Variants in ZSCAN5A observed in about 807,000 individuals in gnomAD.
ZSCAN5A encodes zinc finger and SCAN domain containing 5A, also known as zinc finger and SCAN domain-containing protein 5A.
A neutral mutation model predicts 23.7 loss-of-function variants in ZSCAN5A; 12 were observed. The ratio of observed to expected loss-of-function variants is 0.51; its 90% CI spans 0.32 to 0.82. ZSCAN5A has a LOEUF of 0.82. ZSCAN5A is among the 40% of genes least tolerant of loss of function. The pLI is 0.03. For missense variants in ZSCAN5A, 597 were observed against 617.9 expected (o/e 0.97, Z 0.36); for synonymous variants, 257 against 239.9 (o/e 1.07, Z -0.66).
chr19:56,304,737 C>T, intron 2 of ZSCAN5A: 1 of 976,524 alleles, frequency 1.0e-6, no homozygotes, highest in Non-Finnish European at 1.2e-6. Context: ...AAGGAATTCA[C>T]TCGCCTCACC....
chr19:56,319,482 C>G (rs571940268), upstream of ZSCAN5A, among the ~76,000 whole-genome samples: 1 of 125,162 alleles, frequency 8.0e-6, no homozygotes, highest in Non-Finnish European at 1.6e-5. Flanking sequence ...GGCGACAGAC[C>G]AAGGCTCCAT....
Position 56,351,584 on chromosome 19 carries a change from G to T in ZSCAN5A, c.-358+11651C>A, listed in dbSNP as rs560688803. 2.0e-4 allele frequency among the ~76,000 whole-genome samples: 30 copies of T among 152,202 alleles called. No homozygotes were observed. The highest frequency in any genetic ancestry group is 1.8e-3 in the Admixed American group (27 of 15,292). On this transcript the variant is annotated intron_variant, in intron 2 of 6. Coordinates refer to the ZSCAN5A transcript ENST00000587340. This position sits in a 1 kb window ranked among gnomAD's most constrained non-coding sequence, Gnocchi z 4.8. ...TCCCATGTCTCAGTACGGGGGAGCT[G>T]TTCTCTTCTTTCTTCCTTCTTACTT... is the stretch of plus-strand genomic sequence containing the variant.
intron 5 of ZSCAN5A, 52 bp downstream of exon 5, chr19:56,222,539 G>T: frequency 6.3e-7 from 1 of 1,594,658 alleles, no homozygotes; most frequent in Non-Finnish European, 8.5e-7. Flanking sequence ...CCCCAGCCCC[G>T]CACCCCAGAA....
intron 2 of ZSCAN5A, among the ~76,000 whole-genome samples, chr19:56,233,612 CTTT>C (rs35551923): frequency 4.4e-5 from 6 of 135,450 alleles, no homozygotes; most frequent in Admixed American, 7.3e-5. Flanking sequence ...ATGAAATCAC[CTTT>C]TTTTTTTTTT....
In ZSCAN5A at chr19:56,352,098, G is replaced by T. The variant is rs540162277; in HGVS notation, c.-358+11137C>A. On this transcript the variant is annotated intron_variant, in intron 2 of 6. Transcript: ENST00000587340. This position sits in a 1 kb window ranked among gnomAD's most constrained non-coding sequence, Gnocchi z 4.2. The stretch of plus-strand genomic sequence containing the variant: ...TTGGTGGATAGTGTGGGGTTTTTTT[G>T]TTTGTTTGTTTCTTTGTTTTTGAGA... Among the ~76,000 whole-genome samples the T allele has an allele frequency of 5.3e-5, 8 of 151,890 alleles. No individual in the cohort carries two copies. The highest frequency in any genetic ancestry group is 1.9e-4 in the African/African-American group (8 of 41,336).
chr19:56,280,977 T>C (rs1348574220), intron 2 of ZSCAN5A, among the ~76,000 whole-genome samples: 1 of 152,196 alleles, frequency 6.6e-6, no homozygotes, highest in African/African-American at 2.4e-5. Context: ...AAAATTCACA[T>C]ATAACTTTTG....
chr19:56,304,874 G>C (rs1363436114), intron 2 of ZSCAN5A: 2 of 877,208 alleles, frequency 2.3e-6, no homozygotes, highest in Non-Finnish European at 2.7e-6. Flanking sequence ...CGCTGGGGTG[G>C]GGTTAGGGGA....
At chr19:56,242,325 A>T (rs373354824) in intron 2 of ZSCAN5A, among the ~76,000 whole-genome samples, 4 of 152,142 alleles carry the variant, frequency 2.6e-5, no homozygotes, top group Admixed American at 1.3e-4. Context: ...GGCCATTCAC[A>T]TGTCTTCATC....
intron 2 of ZSCAN5A, among the ~76,000 whole-genome samples, chr19:56,288,671 G>A (rs1453185108): frequency 2.0e-5 from 3 of 152,192 alleles, no homozygotes; most frequent in Non-Finnish European, 4.4e-5. Flanking sequence ...TAGAAGGCGT[G>A]ACTGAGTGCT....
intron 2 of ZSCAN5A, among the ~76,000 whole-genome samples, chr19:56,234,203 C>T (rs959925540): frequency 5.9e-5 from 9 of 152,198 alleles, no homozygotes; most frequent in African/African-American, 2.2e-4. Flanking sequence ...TTCCCATTTT[C>T]AAGGTCTTCC....
intron 2 of ZSCAN5A, among the ~76,000 whole-genome samples, chr19:56,294,628 C>T (rs1342093804): frequency 2.0e-5 from 3 of 152,162 alleles, no homozygotes; most frequent in Non-Finnish European, 4.4e-5. Flanking sequence ...AGTGAATGGG[C>T]ATGGCTGTGT....
At chr19:56,246,795 T>C (rs746551477) in intron 2 of ZSCAN5A, 29 of 1,608,774 alleles carry the variant, frequency 1.8e-5, no homozygotes, top group Admixed American at 3.3e-5. Flanking sequence ...AAAATGTGGA[T>C]GCTGACACAC....
intron 2 of ZSCAN5A, chr19:56,298,170 G>A (rs1404114145): frequency 6.6e-6 from 1 of 151,902 alleles, no homozygotes; most frequent in African/African-American, 2.4e-5. Flanking sequence ...AAATAGAGGA[G>A]AAACAAACTG....
At chr19:56,324,641 CAAAAAA>C (rs35806754) in intron 2 of ZSCAN5A, among the ~76,000 whole-genome samples, 2 of 81,812 alleles carry the variant, frequency 2.4e-5, no homozygotes, top group East Asian at 3.3e-4. Flanking sequence ...TGTACATGTT[CAAAAAA>C]AAAAAAAAAA....
intron 2 of ZSCAN5A, among the ~76,000 whole-genome samples, chr19:56,290,778 T>C (rs1031787712): frequency 6.6e-6 from 1 of 152,238 alleles, no homozygotes; most frequent in Non-Finnish European, 1.5e-5. Context: ...CTGCTGATTC[T>C]ATTCTCTTGC....
chr19:56,250,302 G>C (rs1455349003), intron 2 of ZSCAN5A, among the ~76,000 whole-genome samples: 1 of 152,202 alleles, frequency 6.6e-6, no homozygotes, highest in Non-Finnish European at 1.5e-5. Flanking sequence ...TCGATACTTG[G>C]AAATCAGGTT....
intron 2 of ZSCAN5A, among the ~76,000 whole-genome samples, chr19:56,329,952 A>T (rs2041474630): frequency 6.6e-6 from 1 of 152,216 alleles, no homozygotes; most frequent in African/African-American, 2.4e-5. Context: ...AAAGCACAGT[A>T]CCCAATAGTT....
chr19:56,300,297 A>G (rs2040144571), intron 2 of ZSCAN5A, among the ~76,000 whole-genome samples: 1 of 152,240 alleles, frequency 6.6e-6, no homozygotes, highest in South Asian at 2.1e-4. Flanking sequence ...CTCAAGATAA[A>G]CAACAGCTAG....
At chr19:56,319,004 G>A (rs1260732749), upstream of ZSCAN5A, among the ~76,000 whole-genome samples, 1 of 152,138 alleles carries the variant, frequency 6.6e-6, no homozygotes, top group East Asian at 1.9e-4. Flanking sequence ...TCCCCTTAAA[G>A]GCTCTTGAAA....
Sources: gnomAD v4.1 joint callset for allele counts (sites outside exome capture counted in the v4.1 genomes callset) on GRCh38, gnomAD v4.1.1 for gene constraint, Gnocchi (gnomAD v3.1) non-coding constraint, MANE v1.5 for transcripts, NCBI Gene and HGNC (gene_info 2026-07-23, HGNC 2026-07-21) for gene names.